The following MARCHF1 variants were observed in gnomAD, a reference collection of about 807,000 sequenced individuals.
MARCHF1 encodes the protein membrane associated ring-CH-type finger 1.
MARCHF1 carries 40 observed loss-of-function variants against 54.2 expected under a neutral mutation model. That is an observed-to-expected ratio of 0.74 (90% CI 0.57 to 0.96). The LOEUF (loss-of-function observed/expected upper bound fraction) is 0.96, where lower values mean the gene tolerates loss of function less well. MARCHF1 is among the 40% of genes least tolerant of loss of function. The pLI, the probability that MARCHF1 is intolerant of heterozygous loss-of-function variation, is 0.00. For synonymous variants in MARCHF1, 236 were observed against 236.3 expected, an observed-to-expected ratio of 1.00 and a Z score of 0.01; for missense variants, 586 against 656.5, an observed-to-expected ratio of 0.89 and a Z score of 1.17.
At chr4:164,222,842 T>C (rs1475392085) in intron 1 of MARCHF1, among the ~76,000 whole-genome samples, 1 of 152,050 alleles carries the variant, frequency 6.6e-6, no homozygotes, top group African/African-American at 2.4e-5. Context: ...AGAATGTCAG[T>C]ATATTAGTCT....
At chr4:163,754,922 G>T (rs533176746) in intron 4 of MARCHF1, among the ~76,000 whole-genome samples, 10 of 152,070 alleles carry the variant, frequency 6.6e-5, no homozygotes, top group Non-Finnish European at 1.3e-4. Flanking sequence ...GAAAGGAGAC[G>T]GCAAAGATTC....
intron 5 of MARCHF1, among the ~76,000 whole-genome samples, chr4:163,620,958 GA>G (rs1378857103): frequency 6.6e-6 from 1 of 152,132 alleles, no homozygotes; most frequent in Non-Finnish European, 1.5e-5. Context: ...CTAACATCAA[GA>G]ATCAAGATTT....
intron 2 of MARCHF1, among the ~76,000 whole-genome samples, chr4:164,042,502 A>C (rs1339703523): frequency 6.6e-6 from 1 of 152,188 alleles, no homozygotes; most frequent in Non-Finnish European, 1.5e-5. Context: ...TGTCATGAGA[A>C]TAGCATGGGA....
chr4:163,939,338 T>A (rs1242190492), intron 3 of MARCHF1, among the ~76,000 whole-genome samples: 1 of 152,222 alleles, frequency 6.6e-6, no homozygotes, highest in Non-Finnish European at 1.5e-5. Flanking sequence ...GATAATTATT[T>A]AATAAAGCTT....
In MARCHF1 at chr4:164,069,051, T is replaced by C. The variant is rs1435597517; in HGVS notation, c.-248+42537A>G. Among the ~76,000 whole-genome samples the C allele has an allele frequency of 2.6e-5, 4 of 152,218 alleles. No homozygotes were observed. The East Asian group carries it at 5.8e-4, about 22-fold the overall frequency. On this transcript the variant is annotated intron_variant, in intron 2 of 9. Coordinates refer to ENST00000514618, the MANE Select transcript of MARCHF1 (RefSeq NM_001394959.1). ...TGAATGCACCAACCGGCACTCTGTA[T>C]CTAGCTCAAGGTTTGTAAATGCACC... is the stretch of plus-strand genomic sequence containing the variant.
chr4:164,037,475 C>T (rs1380776112), intron 2 of MARCHF1, among the ~76,000 whole-genome samples: 1 of 152,026 alleles, frequency 6.6e-6, no homozygotes, highest in Non-Finnish European at 1.5e-5. Flanking sequence ...ATCTCTTTAT[C>T]AGCAGCCCCA....
chr4:164,083,407 T>A (rs11731503), intron 2 of MARCHF1, among the ~76,000 whole-genome samples: 62,959 of 151,802 alleles, frequency 0.41, 13,981 homozygotes, highest in Non-Finnish European at 0.49. Flanking sequence ...TAAAGAAGCA[T>A]TTCAAAGGTG....
intron 1 of MARCHF1, among the ~76,000 whole-genome samples, chr4:164,327,746 A>C (rs1469426785): frequency 6.6e-6 from 1 of 152,240 alleles, no homozygotes; most frequent in Non-Finnish European, 1.5e-5. Flanking sequence ...ATTGATCTTT[A>C]ATACTTGGTT....
intron 5 of MARCHF1, among the ~76,000 whole-genome samples, chr4:163,643,880 T>C (rs761039198): frequency 1.3e-5 from 2 of 152,102 alleles, no homozygotes; most frequent in African/African-American, 2.4e-5. Flanking sequence ...GAAAATTATA[T>C]ATATTCTTAA....
At chr4:163,765,018 A>G (rs1746934231) in intron 4 of MARCHF1, among the ~76,000 whole-genome samples, 1 of 152,044 alleles carries the variant, frequency 6.6e-6, no homozygotes, top group African/African-American at 2.4e-5. Context: ...AGGTTTTCTC[A>G]TGTTTATTGT....
intron 3 of MARCHF1, among the ~76,000 whole-genome samples, chr4:163,870,391 C>T (rs889061117): frequency 1.4e-4 from 22 of 152,008 alleles, no homozygotes; most frequent in East Asian, 3.9e-4. Context: ...GACAAATAAG[C>T]GGAAATATAT....
At chr4:163,808,244 G>C (rs1331817690) in intron 4 of MARCHF1, among the ~76,000 whole-genome samples, 1 of 152,158 alleles carries the variant, frequency 6.6e-6, no homozygotes, top group Non-Finnish European at 1.5e-5. Context: ...ATCACATGCT[G>C]TCTGGAATGT....
chr4:164,185,190 C>T (rs939215157), intron 1 of MARCHF1, among the ~76,000 whole-genome samples: 14 of 152,178 alleles, frequency 9.2e-5, no homozygotes, highest in African/African-American at 3.1e-4. Flanking sequence ...TAAACCTCAA[C>T]TCTGATGGTG....
At chr4:164,266,303 C>T (rs1158092627) in intron 1 of MARCHF1, among the ~76,000 whole-genome samples, 1 of 152,240 alleles carries the variant, frequency 6.6e-6, no homozygotes, top group Admixed American at 6.5e-5. Flanking sequence ...ATAGCATTTG[C>T]TCTCTTGTCC....
chr4:163,635,328 C>A (rs1053255453), intron 5 of MARCHF1, among the ~76,000 whole-genome samples: 9 of 149,260 alleles, frequency 6.0e-5, no homozygotes, highest in Admixed American at 5.4e-4. Context: ...TTGAAAGGAT[C>A]AACAAAATTG....
rs759956532 is a variant in MARCHF1 at position 163,612,548 on chromosome 4, G to T, written c.733C>A (p.Pro245Thr). The change falls in exon 7 of 10, where the codon CCT becomes ACT. Residue 245 changes from proline to threonine, a missense_variant. Pro to Thr is a conservative substitution (Grantham distance 38). This residue lies in a region of MARCHF1 where 387 missense variants were observed against 394.6 expected (regional missense o/e 0.98). Coordinates refer to ENST00000514618, the MANE Select transcript of MARCHF1 (RefSeq NM_001394959.1). ...TCAGAGGACCCTTGAGTCAGAGAAG[G>T]GTTGCATTCTTGGTACCTTGTATGT... ...GKHTRYQECN[P>T]SLTQGSSEIK... 64 of 1,535,312 alleles carry T rather than the reference G, an allele frequency of 4.2e-5. No individual in the cohort carries two copies. Among genetic ancestry groups the T allele is most frequent in the Non-Finnish European group, 5.5e-5 (63 of 1,146,552 alleles).
At chr4:163,929,584 C>G (rs1327864067) in intron 3 of MARCHF1, among the ~76,000 whole-genome samples, 1 of 151,794 alleles carries the variant, frequency 6.6e-6, no homozygotes, top group Non-Finnish European at 1.5e-5. Flanking sequence ...ATCGTGCCAA[C>G]TGTGGCACCT....
At chr4:164,015,250 T>C (rs1579461992) in intron 2 of MARCHF1, among the ~76,000 whole-genome samples, 1 of 152,118 alleles carries the variant, frequency 6.6e-6, no homozygotes, top group East Asian at 1.9e-4. Flanking sequence ...TGGATATCCA[T>C]ATGCAGAAAA....
rs546807948 is a variant in MARCHF1, at chr4:163,873,432, A to G, written c.-38-19263T>C. ...CTCTGGTTTCCCCTGCTGTTGCCTC[A>G]TTTCCTAATGCCTCTGTTTATCTCA... is the stretch of plus-strand genomic sequence containing the variant. On this transcript the variant is annotated intron_variant, in intron 3 of 9. Coordinates refer to ENST00000514618, the MANE Select transcript of MARCHF1 (RefSeq NM_001394959.1). Among the ~76,000 whole-genome samples, 10 of 152,234 alleles carry G rather than the reference A, an allele frequency of 6.6e-5. No homozygotes were observed. In the South Asian group the frequency reaches 1.9e-3, roughly 28 times the overall value.
Sources: allele counts gnomAD v4.1 joint callset (sites outside exome capture counted in the v4.1 genomes callset), GRCh38; gene constraint gnomAD v4.1.1; regional missense constraint gnomAD v4.1.1; transcripts MANE v1.5; gene names NCBI Gene and HGNC (gene_info 2026-07-23, HGNC 2026-07-21).